LAMA3: variants seen among roughly 807,000 people sequenced by gnomAD.
LAMA3 encodes the protein laminin subunit alpha 3, also known as laminin subunit alpha-3.
LAMA3 carries 281 observed loss-of-function variants against 402.0 expected under a neutral mutation model. The ratio of observed to expected loss-of-function variants is 0.70; its 90% confidence interval spans 0.63 to 0.77. The LOEUF is 0.77. Ranked by LOEUF, LAMA3 falls within the 30% of genes least tolerant of loss-of-function variation. The probability of loss-of-function intolerance (pLI) is 0.00; values close to 1 mark genes in which losing one functional copy is unlikely to be tolerated. For missense variants in LAMA3, 3,840 were observed against 4,215.5 expected (o/e 0.91, Z 2.47); for synonymous variants, 1,431 against 1,558.4 (o/e 0.92, Z 1.93).
Position 23,842,526 on chromosome 18 carries a change from G to T in LAMA3, c.3463+5G>T. On this transcript the variant is annotated splice_donor_5th_base_variant and intron_variant, in intron 28 of 74. Transcript: ENST00000313654. ...ATGGCGGGTGGCCACGGGCAGGTGAGCTGCAGTGAGCAGGCCCTGCTGCCT... is the reference window on the plus strand; with the variant it reads ...ATGGCGGGTGGCCACGGGCAGGTGATCTGCAGTGAGCAGGCCCTGCTGCCT... The T allele has an allele frequency of 1.2e-6, 2 of 1,614,234 alleles. No individual in the cohort carries two copies. Among genetic ancestry groups the T allele is most frequent in the South Asian group, 2.2e-5 (2 of 91,088 alleles).
chr18:23,905,913 C>T (rs539297009), intron 52 of LAMA3, among the ~76,000 whole-genome samples: 9 of 152,120 alleles, frequency 5.9e-5, no homozygotes, highest in African/African-American at 2.2e-4. Flanking sequence ...TACAGGCGTG[C>T]ACCACCATGC....
At chr18:23,740,976 CAG>C (rs1436381080) in intron 2 of LAMA3, among the ~76,000 whole-genome samples, 6 of 149,746 alleles carry the variant, frequency 4.0e-5, no homozygotes, top group Non-Finnish European at 8.9e-5. Context: ...TTTTTTGAGA[CAG>C]AGTCTCACTC....
intron 52 of LAMA3, among the ~76,000 whole-genome samples, chr18:23,906,927 C>A (rs1254888524): frequency 6.6e-6 from 1 of 152,070 alleles, no homozygotes; most frequent in Non-Finnish European, 1.5e-5. Context: ...TTTTGATGAC[C>A]CAAGGATGGC....
At chr18:23,756,399 C>T (rs933021774) in intron 6 of LAMA3, among the ~76,000 whole-genome samples, 1 of 151,652 alleles carries the variant, frequency 6.6e-6, no homozygotes, top group Non-Finnish European at 1.5e-5. Flanking sequence ...GCTGTTTGCT[C>T]AATGCCGCAC....
At chr18:23,932,430 A>T in intron 66 of LAMA3, 139 bp downstream of exon 66, 1 of 969,568 alleles carries the variant, frequency 1.0e-6, no homozygotes, top group South Asian at 1.4e-5. Flanking sequence ...TCAAAATGCC[A>T]TCTTTGGCAA....
At chr18:23,867,681 A>G (rs1437323571) in intron 36 of LAMA3, among the ~76,000 whole-genome samples, 153 bp from the exon 37 acceptor site, 2 of 152,092 alleles carry the variant, frequency 1.3e-5, no homozygotes, top group African/African-American at 4.8e-5. Flanking sequence ...TTTCCATGTC[A>G]CTAATATTTT....
chr18:23,871,465 T>C lies in LAMA3; in HGVS notation c.4802T>C (p.Val1601Ala), dbSNP rs1364335110. The change falls in exon 38 of 75, where the codon GTG (valine) becomes GCG (alanine). Residue 1601 changes from valine (V) to alanine (A), a missense_variant. Physicochemically the swap from Val to Ala is moderately conservative, Grantham distance 64 (BLOSUM62 0). Around this residue, in one of 3 missense-constraint regions of LAMA3, gnomAD observed 2,109 missense variants for 2,376.0 expected, o/e 0.89. Coordinates refer to ENST00000313654, the MANE Select transcript of LAMA3 (RefSeq NM_198129.4). ...NFRHASSRAP[V>A]SREELMTVLS... The stretch of plus-strand genomic sequence containing the variant: ...AGACATGCCAGCAGCCGTGCCCCAG[T>C]GTCTAGGGAGGAGCTGATGACAGTG... 3.7e-6 allele frequency: 6 copies of C among 1,613,838 alleles called. No individual in the cohort carries two copies. Among genetic ancestry groups the C allele is most frequent in the Non-Finnish European group, 5.1e-6 (6 of 1,179,908 alleles).
intron 1 of LAMA3, among the ~76,000 whole-genome samples, chr18:23,697,899 G>C (rs2060713139): frequency 6.6e-6 from 1 of 151,936 alleles, no homozygotes; most frequent in South Asian, 2.1e-4. Context: ...GCTGGTTTCT[G>C]CTGAGGCCTC....
intron 67 of LAMA3, among the ~76,000 whole-genome samples, chr18:23,935,322 G>C (rs142307270): frequency 7.0e-4 from 107 of 152,354 alleles, no homozygotes; most frequent in African/African-American, 2.5e-3. Flanking sequence ...TGAGTGACAG[G>C]AGTCTGCAGG....
At chr18:23,756,503 G>T (rs559329566) in intron 6 of LAMA3, among the ~76,000 whole-genome samples, 1 of 109,614 alleles carries the variant, frequency 9.1e-6, no homozygotes, top group East Asian at 3.2e-4. Flanking sequence ...CAAACCCAAA[G>T]CCTCTTTCAT....
Position 23,845,011 on chromosome 18 carries a change from C to T in LAMA3, c.3606C>T (p.Val1202=). The T allele has an allele frequency of 6.4e-7, 1 of 1,552,800 alleles. No homozygotes were observed. Among genetic ancestry groups the T allele is most frequent in the Non-Finnish European group, 8.9e-7 (1 of 1,124,322 alleles). The part of the protein sequence containing the change: ...KVPEGKSLVL[V]RVLVVPAENY... ...ACATGCTGGTGGATTTCTTTCAGGT[C>T]CGTGTTCTAGTGGTGCCTGCAGAAA... Residue 1202 remains valine, a splice_region_variant and synonymous_variant, in exon 30 of 75, where the codon GTC becomes GTT. Transcript: ENST00000313654.
chr18:23,931,499 C>A (rs768788478), intron 65 of LAMA3: 4 of 268,524 alleles, frequency 1.5e-5, no homozygotes, highest in Non-Finnish European at 2.1e-5. Context: ...TCTACGAAAA[C>A]TAAAATAAAA....
chr18:23,801,034 C>T (rs2062856540), intron 12 of LAMA3, among the ~76,000 whole-genome samples: 1 of 152,030 alleles, frequency 6.6e-6, no homozygotes, highest in Admixed American at 6.5e-5. Flanking sequence ...TGGAATCAAT[C>T]TAGATGCCCA....
intron 24 of LAMA3, 135 bp downstream of exon 24, chr18:23,834,123 T>C: frequency 1.0e-6 from 1 of 981,886 alleles, no homozygotes; most frequent in South Asian, 1.3e-5. Context: ...GGTGACTAGT[T>C]GTGTGGCCCA....
chr18:23,777,086 T>C (rs887363229), intron 10 of LAMA3, among the ~76,000 whole-genome samples: 18 of 152,224 alleles, frequency 1.2e-4, no homozygotes, highest in Admixed American at 3.3e-4. Context: ...ATTATCTGCC[T>C]GCCTCAGCTT....
chr18:23,776,615 C>T (rs114575681), intron 10 of LAMA3, among the ~76,000 whole-genome samples: 96 of 152,262 alleles, frequency 6.3e-4, no homozygotes, highest in African/African-American at 2.0e-3. Flanking sequence ...CCTCCTGACT[C>T]CTGCAGAGCC....
intron 2 of LAMA3, among the ~76,000 whole-genome samples, chr18:23,731,835 C>G (rs1308238699): frequency 6.6e-6 from 1 of 152,164 alleles, no homozygotes; most frequent in Non-Finnish European, 1.5e-5. Context: ...ATGATGGGAT[C>G]TGTTGTACCC....
At position 23,842,740 on chromosome 18, in the gene LAMA3, C is replaced by T. The variant is rs1430445542; in HGVS notation, c.3593C>T (p.Ser1198Phe). ...AATVKVPEGK[S>F]LVLVRVLVVP... Reference sequence around the variant, plus strand: ...ACTGTGAAGGTTCCAGAAGGAAAGTCCTTGGTTTTGGTGCGTTCCACTCGT... The same window carrying T: ...ACTGTGAAGGTTCCAGAAGGAAAGTTCTTGGTTTTGGTGCGTTCCACTCGT... Residue 1198 changes from serine (S) to phenylalanine (F), a missense_variant, in exon 29 of 75, where the codon TCC becomes TTC. Around this residue, in one of 3 missense-constraint regions of LAMA3, gnomAD observed 2,109 missense variants for 2,376.0 expected, o/e 0.89. Transcript: ENST00000313654. 7.4e-6 allele frequency: 12 copies of T among 1,614,196 alleles called. No homozygotes were observed. The highest frequency in any genetic ancestry group is 3.3e-5 in the South Asian group (3 of 91,086).
intron 67 of LAMA3, among the ~76,000 whole-genome samples, chr18:23,938,100 C>A (rs1568366930): frequency 2.6e-5 from 4 of 152,184 alleles, no homozygotes; most frequent in Admixed American, 2.0e-4. Context: ...TTCTGGGAAT[C>A]ACATCCGCAC....
Sources: allele counts gnomAD v4.1 joint callset (sites outside exome capture counted in the v4.1 genomes callset), GRCh38; gene constraint gnomAD v4.1.1; regional missense constraint gnomAD v4.1.1; transcripts MANE v1.5; gene names NCBI Gene and HGNC (gene_info 2026-07-23, HGNC 2026-07-21).